Variants in DPP10 observed in about 807,000 individuals in gnomAD.
DPP10 encodes the protein inactive dipeptidyl peptidase 10.
Under a neutral mutation model 120.9 loss-of-function variants are expected in DPP10, and 33 were observed. The ratio of observed to expected loss-of-function variants is 0.27; its 90% CI spans 0.21 to 0.37. DPP10 has a LOEUF of 0.37. Ranked by LOEUF, DPP10 falls within the 10% of genes least tolerant of loss-of-function variation. The pLI, the probability that DPP10 is intolerant of heterozygous loss-of-function variation, is 1.00. For missense variants in DPP10, 816 were observed against 942.8 expected, an observed-to-expected ratio of 0.87 and a Z score of 1.76; for synonymous variants, 337 against 326.1, an observed-to-expected ratio of 1.03 and a Z score of -0.36.
chr2:115,454,732 A>C (rs1030165735), intron 3 of DPP10, among the ~76,000 whole-genome samples: 2 of 151,716 alleles, frequency 1.3e-5, no homozygotes, highest in East Asian at 1.9e-4. Context: ...AGTGCATTAA[A>C]AAGGAAAAAA....
intron 1 of DPP10, among the ~76,000 whole-genome samples, chr2:115,052,769 T>C (rs1705601264): frequency 6.6e-6 from 1 of 151,998 alleles, no homozygotes. Context: ...CTAGCCAAAA[T>C]GGCGAAACCC....
intron 1 of DPP10, among the ~76,000 whole-genome samples, chr2:114,849,796 T>C (rs896632611): frequency 6.6e-6 from 1 of 152,214 alleles, no homozygotes; most frequent in Non-Finnish European, 1.5e-5. Flanking sequence ...AACATCATTA[T>C]GTGTAATCAC....
chr2:114,751,850 A>C (rs1415948179), intron 1 of DPP10, among the ~76,000 whole-genome samples: 1 of 151,958 alleles, frequency 6.6e-6, no homozygotes, highest in Non-Finnish European at 1.5e-5. Flanking sequence ...TGCATCCTTG[A>C]CTCTACACCA....
chr2:115,056,431 T>A (rs1286228341), intron 1 of DPP10, among the ~76,000 whole-genome samples: 2 of 152,050 alleles, frequency 1.3e-5, no homozygotes, highest in African/African-American at 4.8e-5. Context: ...CAGGCTGGAG[T>A]GCAATGGCAC....
chr2:114,823,723 A>G (rs2106367432), intron 1 of DPP10, among the ~76,000 whole-genome samples: 1 of 152,202 alleles, frequency 6.6e-6, no homozygotes, highest in East Asian at 1.9e-4. Context: ...CCAGGGCCAT[A>G]TGGAAATTTG....
At chr2:115,459,833 A>G (rs181404924) in intron 3 of DPP10, among the ~76,000 whole-genome samples, 56 of 151,612 alleles carry the variant, frequency 3.7e-4, no homozygotes, top group Admixed American at 5.9e-4. Flanking sequence ...TATTGGTTCT[A>G]TGACTAAAGA....
chr2:115,456,933 C>T (rs571136374), intron 3 of DPP10, among the ~76,000 whole-genome samples: 6 of 151,238 alleles, frequency 4.0e-5, no homozygotes, highest in Non-Finnish European at 7.4e-5. Context: ...CAAACCTGCA[C>T]ATTCTGCACA....
At chr2:115,756,830 G>T (rs891408814) in intron 11 of DPP10, among the ~76,000 whole-genome samples, 2 of 152,038 alleles carry the variant, frequency 1.3e-5, no homozygotes, top group South Asian at 2.1e-4. Flanking sequence ...TTGGCATCTG[G>T]TGAGGGACTT....
intron 7 of DPP10, among the ~76,000 whole-genome samples, chr2:115,711,147 T>C (rs899926625): frequency 6.6e-6 from 1 of 152,170 alleles, no homozygotes; most frequent in Non-Finnish European, 1.5e-5. Flanking sequence ...ACATGTTTTT[T>C]CTTTTTCTGT....
intron 3 of DPP10, among the ~76,000 whole-genome samples, chr2:115,445,282 G>A (rs1028190043): frequency 3.9e-5 from 6 of 152,178 alleles, no homozygotes; most frequent in African/African-American, 1.4e-4. Context: ...TGTACCAGAA[G>A]TGGGGTACTG....
At chr2:115,043,882 TA>T (rs892956583) in intron 1 of DPP10, among the ~76,000 whole-genome samples, 2 of 152,148 alleles carry the variant, frequency 1.3e-5, no homozygotes, top group Non-Finnish European at 2.9e-5. Flanking sequence ...AGTAATTTTT[TA>T]AAAAATTTTT....
intron 8 of DPP10, among the ~76,000 whole-genome samples, chr2:115,735,283 A>G (rs555600986): frequency 6.6e-6 from 1 of 152,202 alleles, no homozygotes; most frequent in African/African-American, 2.4e-5. Context: ...CCTGTTATAT[A>G]TCTGAAATCT....
chr2:115,753,771 T>C (rs1679054702), intron 11 of DPP10, among the ~76,000 whole-genome samples: 1 of 152,220 alleles, frequency 6.6e-6, no homozygotes, highest in Non-Finnish European at 1.5e-5. Flanking sequence ...ACTACTCTGT[T>C]TTGAAATCAG....
In DPP10 at chr2:115,655,226, T is replaced by G. The variant is rs143579366; in HGVS notation, c.442-34461T>G. ...AATACGTAACTTTTTAGGCTTTATT[T>G]AATTATAGATATTTGGCCGAATAAG... On this transcript the variant is annotated intron_variant, in intron 5 of 25. Coordinates refer to ENST00000410059, the MANE Select transcript of DPP10 (RefSeq NM_020868.6). 3.4e-3 allele frequency among the ~76,000 whole-genome samples: 520 copies of G among 151,780 alleles called. 1 individual carries two copies. Among genetic ancestry groups the G allele is most frequent in the African/African-American group, 0.011 (469 of 41,494 alleles).
intron 19 of DPP10, among the ~76,000 whole-genome samples, chr2:115,800,157 G>A (rs1685023332): frequency 1.3e-5 from 2 of 151,734 alleles, no homozygotes; most frequent in South Asian, 2.1e-4. Context: ...TCTCATTGTG[G>A]TTTTGATTTG....
chr2:115,761,980 T>C (rs1467869491), intron 11 of DPP10, among the ~76,000 whole-genome samples: 2 of 152,192 alleles, frequency 1.3e-5, no homozygotes, highest in Admixed American at 1.3e-4. Context: ...TTTAACGAGG[T>C]TAAATTAGTC....
intron 1 of DPP10, among the ~76,000 whole-genome samples, chr2:114,551,757 G>C (rs1009238190): frequency 6.6e-6 from 1 of 152,136 alleles, no homozygotes; most frequent in Non-Finnish European, 1.5e-5. Flanking sequence ...GGCTTTTAAA[G>C]ACTTCTTTCC....
intron 3 of DPP10, among the ~76,000 whole-genome samples, chr2:115,453,775 A>AATT (rs1299694846): frequency 6.6e-6 from 1 of 151,556 alleles, no homozygotes; most frequent in Non-Finnish European, 1.5e-5. Context: ...GAAGGAAGAA[A>AATT]ATAATAAAGA....
chr2:115,255,442 C>T (rs1363695182), intron 1 of DPP10, among the ~76,000 whole-genome samples: 1 of 152,186 alleles, frequency 6.6e-6, no homozygotes, highest in African/African-American at 2.4e-5. Context: ...TCTGACATGC[C>T]CTAAGGAGAC....
Sources: gnomAD v4.1 joint callset for allele counts (sites outside exome capture counted in the v4.1 genomes callset) on GRCh38, gnomAD v4.1.1 for gene constraint, MANE v1.5 for transcripts, NCBI Gene and HGNC (gene_info 2026-07-23, HGNC 2026-07-21) for gene names.